DHX35: variants seen among roughly 807,000 people sequenced by gnomAD.
The protein encoded by DHX35 is probable ATP-dependent RNA helicase DHX35.
A neutral mutation model predicts 99.6 loss-of-function variants in DHX35; 84 were observed. The observed-to-expected ratio is 0.84, with a 90% confidence interval of 0.71 to 1.01. The LOEUF (loss-of-function observed/expected upper bound fraction) is 1.01. Among genes scored for constraint, DHX35 ranks in the 50% least tolerant of loss-of-function variants. DHX35 has a pLI of 0.00. For missense variants in DHX35, 852 were observed against 888.5 expected, an observed-to-expected ratio of 0.96 and a Z score of 0.52; for synonymous variants, 331 against 316.2, an observed-to-expected ratio of 1.05 and a Z score of -0.50.
intron 19 of DHX35, 40 bp from the exon 20 acceptor site, chr20:39,030,663 AT>A (rs2087033097): frequency 6.3e-7 from 1 of 1,579,924 alleles, no homozygotes; most frequent in Non-Finnish European, 8.7e-7. Context: ...TGCTATAAGT[AT>A]TTAAAATGTG....
At chr20:38,976,461 CTGTT>C (rs1035021437) in intron 3 of DHX35, among the ~76,000 whole-genome samples, 9 of 142,714 alleles carry the variant, frequency 6.3e-5, no homozygotes, top group African/African-American at 1.0e-4. Flanking sequence ...TAAAAAAAAA[CTGTT>C]TTGAATTGAC....
chr20:39,024,072 A>G (rs1019598000), intron 17 of DHX35, among the ~76,000 whole-genome samples: 2 of 152,248 alleles, frequency 1.3e-5, no homozygotes, highest in Admixed American at 6.5e-5. Flanking sequence ...CAGTAGACAG[A>G]AAGGCAACAT....
intron 21 of DHX35, among the ~76,000 whole-genome samples, chr20:39,035,410 C>G (rs1439802037): frequency 6.6e-6 from 1 of 152,162 alleles, no homozygotes; most frequent in Non-Finnish European, 1.5e-5. Context: ...CTGTTTGTGG[C>G]CTGAAAATAC....
At chr20:38,997,172 G>A (rs1170638386) in intron 8 of DHX35, among the ~76,000 whole-genome samples, 2 of 152,076 alleles carry the variant, frequency 1.3e-5, no homozygotes, top group Non-Finnish European at 2.9e-5. Context: ...CCAGGTTCAA[G>A]TGATTCTCGT....
intron 1 of DHX35, 66 bp downstream of exon 1, chr20:38,962,473 G>T (rs1438403937): frequency 6.4e-7 from 1 of 1,570,810 alleles, no homozygotes; most frequent in African/African-American, 1.4e-5. Flanking sequence ...GCCGCGGCCG[G>T]CGCCCTGGGG....
chr20:38,968,342 A>G (rs113572334), intron 1 of DHX35, among the ~76,000 whole-genome samples: 4 of 152,296 alleles, frequency 2.6e-5, no homozygotes, highest in African/African-American at 7.2e-5. Context: ...TTGAGTGCCC[A>G]GTTTCTGTCA....
Position 39,038,489 on chromosome 20 carries a change from T to C in DHX35, c.2068-10T>C. 1 of 1,613,708 alleles carries C rather than the reference T, an allele frequency of 6.2e-7. No homozygotes were observed. Among genetic ancestry groups the C allele is most frequent in the East Asian group, 2.2e-5 (1 of 44,886 alleles). On this transcript the variant is annotated splice_polypyrimidine_tract_variant and intron_variant, in intron 21 of 21. Transcript: ENST00000252011. Reference sequence around the variant, plus strand: ...CAACCCCAACTGTAGTGTCTTCTCTTCTGTTGCAGCACCTGTCTCTGAAAG... The same window carrying C: ...CAACCCCAACTGTAGTGTCTTCTCTCCTGTTGCAGCACCTGTCTCTGAAAG...
intron 13 of DHX35, among the ~76,000 whole-genome samples, chr20:39,014,421 T>C (rs1349752559): frequency 6.6e-6 from 1 of 152,176 alleles, no homozygotes; most frequent in Non-Finnish European, 1.5e-5. Flanking sequence ...AAAAACAAAT[T>C]CAGCGTATGT....
chr20:39,015,880 C>G (rs2086777963), intron 14 of DHX35, among the ~76,000 whole-genome samples: 1 of 152,184 alleles, frequency 6.6e-6, no homozygotes, highest in African/African-American at 2.4e-5. Flanking sequence ...CCAAGGCAAC[C>G]ACTCTCTGGT....
Position 39,038,560 on chromosome 20 carries a change from C to T in DHX35, c.*17C>T, listed in dbSNP as rs775880632. ...GACCCGTGAGAGGAGCCCACAGCTACAGCTGCAGGGACTGCTGGCGTCCTC... is the reference window on the plus strand; with the variant it reads ...GACCCGTGAGAGGAGCCCACAGCTATAGCTGCAGGGACTGCTGGCGTCCTC... On this transcript the variant is annotated 3_prime_UTR_variant, in exon 22 of 22. Transcript: ENST00000252011. The T allele has an allele frequency of 8.1e-6, 13 of 1,610,024 alleles. No individual in the cohort carries two copies. The East Asian group carries it at 1.6e-4, about 19-fold the overall frequency.
At chr20:38,963,878 G>C (rs992310161) in intron 1 of DHX35, among the ~76,000 whole-genome samples, 1 of 152,128 alleles carries the variant, frequency 6.6e-6, no homozygotes, top group Admixed American at 6.6e-5. Flanking sequence ...GTAAGGTGGT[G>C]GTAAAGAAGA....
chr20:39,035,385 G>T (rs1426600904), intron 21 of DHX35, among the ~76,000 whole-genome samples: 1 of 152,150 alleles, frequency 6.6e-6, no homozygotes, highest in East Asian at 1.9e-4. Context: ...TTTTTAAAAG[G>T]GTTACAGCCC....
intron 3 of DHX35, 43 bp from the exon 4 acceptor site, chr20:38,983,656 A>T (rs1158947363): frequency 6.4e-7 from 1 of 1,560,046 alleles, no homozygotes; most frequent in Admixed American, 1.7e-5. Flanking sequence ...TTGCTCTGCA[A>T]AAGTGGTATC....
intron 8 of DHX35, among the ~76,000 whole-genome samples, chr20:38,996,997 GTTT>G (rs1439348366): frequency 1.3e-5 from 2 of 151,656 alleles, no homozygotes; most frequent in Non-Finnish European, 2.9e-5. Flanking sequence ...AATTATTCCA[GTTT>G]TTATTATGTT....
intron 1 of DHX35, among the ~76,000 whole-genome samples, chr20:38,967,941 C>T (rs1373387070): frequency 1.3e-5 from 2 of 152,106 alleles, no homozygotes; most frequent in Admixed American, 1.3e-4. Flanking sequence ...CCCCCACCCC[C>T]CATTACAACA....
chr20:38,970,185 A>C (rs1205157620), intron 2 of DHX35, among the ~76,000 whole-genome samples: 1 of 152,132 alleles, frequency 6.6e-6, no homozygotes, highest in Non-Finnish European at 1.5e-5. Flanking sequence ...GGCCTCCCAA[A>C]GTGCTGGGAT....
At chr20:38,990,745 C>CA (rs1421967974) in intron 5 of DHX35, among the ~76,000 whole-genome samples, 2 of 152,134 alleles carry the variant, frequency 1.3e-5, no homozygotes, top group Non-Finnish European at 2.9e-5. Flanking sequence ...TGGACTTGAG[C>CA]ATCTGCAGAT....
At chr20:38,989,813 A>G (rs2145871711) in intron 5 of DHX35, among the ~76,000 whole-genome samples, 1 of 152,312 alleles carries the variant, frequency 6.6e-6, no homozygotes, top group South Asian at 2.1e-4. Context: ...TAATCAGTGT[A>G]TAATCAACTC....
At chr20:38,976,467 T>G (rs2086080234) in intron 3 of DHX35, among the ~76,000 whole-genome samples, 1 of 151,984 alleles carries the variant, frequency 6.6e-6, no homozygotes, top group Admixed American at 6.6e-5. Context: ...AAAACTGTTT[T>G]GAATTGACAC....
Sources: allele counts gnomAD v4.1 joint callset (sites outside exome capture counted in the v4.1 genomes callset), GRCh38; gene constraint gnomAD v4.1.1; transcripts MANE v1.5; gene names NCBI Gene and HGNC (gene_info 2026-07-23, HGNC 2026-07-21).